The following STATH variants were observed in gnomAD, a reference collection of about 807,000 sequenced individuals.
STATH encodes the protein statherin.
Under a neutral mutation model 13.3 loss-of-function variants are expected in STATH, and 11 were observed. The observed-to-expected ratio is 0.83, with a 90% CI of 0.52 to 1.37. STATH has a LOEUF of 1.37. STATH is among the 40% of genes most tolerant of loss of function. STATH has a pLI of 0.00. For synonymous variants in STATH, 25 were observed against 23.6 expected (o/e 1.06, Z -0.17); for missense variants, 78 against 73.3 (o/e 1.06, Z -0.24).
intron 4 of STATH, chr4:70,000,015 C>A: frequency 1.7e-6 from 1 of 582,046 alleles, no homozygotes; most frequent in Non-Finnish European, 3.0e-6. Flanking sequence ...TAGTGCCAAC[C>A]TGAAGAAACC....
intron 1 of STATH, among the ~76,000 whole-genome samples, chr4:69,997,401 A>G (rs1560413137): frequency 1.3e-5 from 2 of 152,162 alleles, no homozygotes; most frequent in Non-Finnish European, 2.9e-5. Flanking sequence ...GTAATGTTTT[A>G]TCACAAGTTA....
At chr4:70,001,145 G>GGT (rs1360759109) in intron 5 of STATH, among the ~76,000 whole-genome samples, 163 bp downstream of exon 5, 1 of 10,416 alleles carries the variant, frequency 9.6e-5, no homozygotes, top group Non-Finnish European at 2.8e-4. Context: ...ATGCTTCTGA[G>GGT]ATAGTCTCTG....
chr4:70,000,903 T>C lies in STATH; in HGVS notation c.143T>C (p.Leu48Pro). Residue 48 changes from leucine to proline, a missense_variant, in exon 5 of 6, where the codon CTA becomes CCA. Transcript: ENST00000246895. Reference protein sequence around the residue: ...GPYQPVPEQPLYPQPYQPQYQ... With the variant: ...GPYQPVPEQPPYPQPYQPQYQ... ...TATCAGCCAGTTCCAGAACAACCAC[T>C]ATACCCACAACCATACCAACCACAA... The C allele has an allele frequency of 3.1e-6, 5 of 1,611,894 alleles. No homozygotes were observed. The highest frequency in any genetic ancestry group is 4.2e-6 in the Non-Finnish European group (5 of 1,178,664).
At chr4:69,997,548 A>G (rs1437512524) in intron 1 of STATH, among the ~76,000 whole-genome samples, 1 of 152,164 alleles carries the variant, frequency 6.6e-6, no homozygotes, top group Non-Finnish European at 1.5e-5. Context: ...GTCTTTATTT[A>G]GATGTTTATA....
chr4:69,999,718 T>A, intron 3 of STATH, 31 bp downstream of exon 3: 3 of 1,611,610 alleles, frequency 1.9e-6, no homozygotes, highest in Non-Finnish European at 2.5e-6. Flanking sequence ...GGAAAACTTG[T>A]TTTCAGTTTT....
chr4:69,997,227 T>C (rs1724531845), intron 1 of STATH, among the ~76,000 whole-genome samples: 1 of 152,212 alleles, frequency 6.6e-6, no homozygotes, highest in Non-Finnish European at 1.5e-5. Flanking sequence ...ATTACAGGCA[T>C]GAGCCACCAC....
chr4:69,998,215 G>A, intron 1 of STATH: 1 of 523,984 alleles, frequency 1.9e-6, no homozygotes, highest in Non-Finnish European at 3.4e-6. Flanking sequence ...TTACTCTAAT[G>A]CCTTAGCATT....
intron 5 of STATH, among the ~76,000 whole-genome samples, chr4:70,001,532 T>A (rs191207956): frequency 5.2e-4 from 79 of 151,930 alleles, no homozygotes; most frequent in African/African-American, 1.8e-3. Flanking sequence ...TAAGTAACTC[T>A]ACTGAGCAAT....
chr4:69,999,892 T>C (rs1724609011), intron 4 of STATH, 83 bp downstream of exon 4: 2 of 1,509,294 alleles, frequency 1.3e-6, no homozygotes, highest in South Asian at 2.3e-5. Context: ...CCAATACTTA[T>C]TTCTCAAATA....
In STATH at chr4:69,998,414, T is replaced by C. The variant is rs761232343; in HGVS notation, c.-15-9T>C. Reference sequence around the variant, plus strand: ...AAATGTGATACTGAATTTCCACATATGTTTTCAGAGAACCCAGCCAACTAT... The same window carrying C: ...AAATGTGATACTGAATTTCCACATACGTTTTCAGAGAACCCAGCCAACTAT... On this transcript the variant is annotated splice_polypyrimidine_tract_variant and intron_variant, in intron 1 of 5. Coordinates refer to ENST00000246895, the MANE Select transcript of STATH (RefSeq NM_003154.3). The C allele has an allele frequency of 3.7e-6, 6 of 1,607,466 alleles. No individual in the cohort carries two copies. The highest frequency in any genetic ancestry group is 1.1e-5 in the South Asian group (1 of 90,346).
intron 1 of STATH, 52 bp from the exon 2 acceptor site, chr4:69,998,344 GAGCGTAGTATAATCAATAAACTTTTGA>G (rs1344308353): frequency 1.5e-5 from 15 of 1,008,208 alleles, no homozygotes; most frequent in Non-Finnish European, 2.3e-5. Context: ...CAGTGCTTTG[GAGCGTAGTATAATCAATAAACTTTTGA>G]TGGGCGAATG....
chr4:70,001,046 A>G (rs1055610689), intron 5 of STATH, 64 bp downstream of exon 5: 44 of 1,171,612 alleles, frequency 3.8e-5, no homozygotes, highest in Non-Finnish European at 5.3e-5. Flanking sequence ...AAAAGAAGAA[A>G]AACAAAAACA....
chr4:70,001,262 T>C lies in STATH; in HGVS notation c.*33+280T>C, dbSNP rs139400546. On this transcript the variant is annotated intron_variant, in intron 5 of 5. Coordinates refer to ENST00000246895, the MANE Select transcript of STATH (RefSeq NM_003154.3). ...GACTTTGAACTACTCCTAATGCTCC[T>C]GAACCTCAGTTTTCTCGTCAAAAAA... is the stretch of plus-strand genomic sequence containing the variant. Among the ~76,000 whole-genome samples the C allele has an allele frequency of 2.2e-3, 328 of 151,932 alleles. 3 individuals carry two copies. The highest frequency in any genetic ancestry group is 7.5e-3 in the African/African-American group (313 of 41,536).
chr4:70,000,744 A>T (rs1287707426), intron 4 of STATH, 119 bp from the exon 5 acceptor site: 14 of 727,738 alleles, frequency 1.9e-5, no homozygotes, highest in Non-Finnish European at 3.0e-5. Flanking sequence ...GTTTGGAAAA[A>T]AATCTTATAA....
Position 70,001,002 on chromosome 4 carries a change from A to G in STATH, c.*33+20A>G, listed in dbSNP as rs1724649092. 6.5e-7 allele frequency: 1 copy of G among 1,527,966 alleles called. No homozygotes were observed. The highest frequency in any genetic ancestry group is 2.3e-5 in the East Asian group (1 of 44,326). The allele number at this position is 1,527,966 out of a possible 1,614,324, so 94.7% of individuals were successfully genotyped here. The stretch of plus-strand genomic sequence containing the variant: ...ATTGAGGTAAGATGGGTTTAGTGAC[A>G]TTTTTTTTACTTTCTGTATCAGTGC... On this transcript the variant is annotated intron_variant, in intron 5 of 5. Coordinates refer to ENST00000246895, the MANE Select transcript of STATH (RefSeq NM_003154.3).
Position 69,999,789 on chromosome 4 carries a change from C to T in STATH, c.82C>T (p.Arg28Cys), listed in dbSNP as rs750868144. Residue 28 changes from arginine (R) to cysteine (C), a missense_variant, in exon 4 of 6, where the codon CGT becomes TGT. Coordinates refer to ENST00000246895, the MANE Select transcript of STATH (RefSeq NM_003154.3). ...GADSSEEKFL[R>C]RIGRFGYGYG... is the part of the protein sequence containing the mutation. ...TCTTCATTTTTCACAGAAATTTTTG[C>T]GTAGAATTGGAAGATTCGGTGTAAG... The T allele has an allele frequency of 1.4e-4, 225 of 1,611,776 alleles. No individual in the cohort carries two copies. Among genetic ancestry groups the T allele is most frequent in the Non-Finnish European group, 1.8e-4 (211 of 1,178,832 alleles).
intron 1 of STATH, among the ~76,000 whole-genome samples, chr4:69,996,716 T>C (rs917794286): frequency 1.3e-5 from 2 of 152,006 alleles, no homozygotes; most frequent in African/African-American, 4.8e-5. Context: ...TATATCCATC[T>C]TTCAGTTTAT....
At chr4:69,998,582 T>C in intron 2 of STATH, 94 bp downstream of exon 2, 4 of 1,070,052 alleles carry the variant, frequency 3.7e-6, no homozygotes, top group African/African-American at 3.2e-5. Context: ...GGTGTTTACT[T>C]GAATACAGCT....
intron 1 of STATH, among the ~76,000 whole-genome samples, chr4:69,996,818 T>C (rs1437203490): frequency 6.6e-6 from 1 of 152,074 alleles, no homozygotes; most frequent in Non-Finnish European, 1.5e-5. Flanking sequence ...ACTAAAGTTT[T>C]TATGCTTTTT....
Sources: gnomAD v4.1 joint callset for allele counts (sites outside exome capture counted in the v4.1 genomes callset) on GRCh38, gnomAD v4.1.1 for gene constraint, MANE v1.5 for transcripts, NCBI Gene and HGNC (gene_info 2026-07-23, HGNC 2026-07-21) for gene names.